HLCS: variants seen among roughly 807,000 people sequenced by gnomAD.
HLCS encodes the protein holocarboxylase synthetase.
Under a neutral mutation model 75.0 loss-of-function variants are expected in HLCS, and 53 were observed. The observed-to-expected ratio is 0.71, with a 90% confidence interval of 0.57 to 0.89. The LOEUF (loss-of-function observed/expected upper bound fraction) is 0.89, where lower values mean the gene tolerates loss of function less well. Among genes scored for constraint, HLCS ranks in the 40% least tolerant of loss-of-function variants. The probability of loss-of-function intolerance (pLI) is 0.00; values close to 1 mark genes in which losing one functional copy is unlikely to be tolerated. For synonymous variants in HLCS, 431 were observed against 428.6 expected, an observed-to-expected ratio of 1.01 and a Z score of -0.07; for missense variants, 966 against 1,074.0, an observed-to-expected ratio of 0.90 and a Z score of 1.41.
intron 6 of HLCS, among the ~76,000 whole-genome samples, chr21:36,773,669 C>G (rs906230191): frequency 1.3e-5 from 2 of 152,196 alleles, no homozygotes; most frequent in African/African-American, 2.4e-5. Context: ...GAGAGACACA[C>G]ACTCTCATGA....
intron 6 of HLCS, among the ~76,000 whole-genome samples, chr21:36,793,232 A>C (rs1226364442): frequency 1.3e-5 from 2 of 151,348 alleles, no homozygotes; most frequent in African/African-American, 4.9e-5. Flanking sequence ...CATGAGTTCT[A>C]AGATCATCCA....
chr21:36,798,543 T>C (rs975341685), intron 6 of HLCS, among the ~76,000 whole-genome samples: 4 of 152,250 alleles, frequency 2.6e-5, no homozygotes, highest in East Asian at 1.9e-4. Context: ...GACTGACTGA[T>C]TGATCTGCTC....
intron 6 of HLCS, among the ~76,000 whole-genome samples, chr21:36,847,541 G>C (rs1448571544): frequency 6.6e-6 from 1 of 151,772 alleles, no homozygotes; most frequent in Admixed American, 6.6e-5. Flanking sequence ...CTAAGGTACT[G>C]TCAATTAAAA....
chr21:36,930,809 T>C (rs1037965376), intron 4 of HLCS, among the ~76,000 whole-genome samples: 3 of 152,218 alleles, frequency 2.0e-5, no homozygotes, highest in African/African-American at 7.2e-5. Context: ...TGAAGCTGTA[T>C]ATCTGGAAAG....
At chr21:36,911,988 T>C (rs1415924090) in intron 5 of HLCS, among the ~76,000 whole-genome samples, 1 of 149,522 alleles carries the variant, frequency 6.7e-6, no homozygotes, top group Non-Finnish European at 1.5e-5. Flanking sequence ...GAAGAATCGC[T>C]TGAACCCAGG....
At chr21:36,843,116 G>C (rs185179820) in intron 6 of HLCS, among the ~76,000 whole-genome samples, 19 of 152,276 alleles carry the variant, frequency 1.2e-4, no homozygotes, top group African/African-American at 3.4e-4. Flanking sequence ...AACACATCTT[G>C]CCTCAGGCAA....
In HLCS at chr21:36,956,966, T is replaced by C. The variant is rs553250299; in HGVS notation, c.330+5070A>G. Among the ~76,000 whole-genome samples, 9 of 147,438 alleles carry C rather than the reference T, an allele frequency of 6.1e-5. No individual in the cohort carries two copies. The South Asian group carries it at 1.7e-3, about 28-fold the overall frequency. On this transcript the variant is annotated intron_variant, in intron 2 of 10. Coordinates refer to ENST00000674895, the MANE Select transcript of HLCS (RefSeq NM_001352514.2). ...TACTTGGGAGGCTGAGGCAGAAGAA[T>C]CGCTTGAACCCAGGAGGTAGATGTT...
chr21:36,989,069 C>T (rs1008713433), intron 1 of HLCS, among the ~76,000 whole-genome samples: 1 of 150,416 alleles, frequency 6.6e-6, no homozygotes, highest in Admixed American at 6.6e-5. Context: ...CAGGGTCTCA[C>T]TCCCTCACCC....
chr21:36,909,686 G>A (rs146778288), intron 5 of HLCS, among the ~76,000 whole-genome samples: 5,037 of 152,256 alleles, frequency 0.033, 288 homozygotes, highest in African/African-American at 0.12. Context: ...TTGAACTCCT[G>A]GGCTCAAGCA....
chr21:36,844,269 A>G (rs151058823), intron 6 of HLCS, among the ~76,000 whole-genome samples: 1,996 of 152,236 alleles, frequency 0.013, 28 homozygotes, highest in Non-Finnish European at 0.018. Flanking sequence ...CTTCAACAAC[A>G]ATTTATGAAT....
intron 4 of HLCS, among the ~76,000 whole-genome samples, chr21:36,933,236 T>C (rs2066726123): frequency 1.3e-5 from 2 of 152,064 alleles, no homozygotes; most frequent in Non-Finnish European, 2.9e-5. Context: ...AGGATGCCAA[T>C]CATGGGACAA....
intron 5 of HLCS, among the ~76,000 whole-genome samples, chr21:36,901,332 C>G (rs1310657698): frequency 6.6e-6 from 1 of 152,068 alleles, no homozygotes; most frequent in Admixed American, 6.5e-5. Flanking sequence ...GGGGAGAGGT[C>G]TGCACCATGG....
chr21:36,774,397 C>T (rs1370148644), intron 6 of HLCS, among the ~76,000 whole-genome samples: 1 of 152,174 alleles, frequency 6.6e-6, no homozygotes, highest in Non-Finnish European at 1.5e-5. Flanking sequence ...GAATCCATCT[C>T]TCTCAGTCTC....
chr21:36,875,810 T>G (rs2063949274), intron 6 of HLCS, among the ~76,000 whole-genome samples: 1 of 152,198 alleles, frequency 6.6e-6, no homozygotes, highest in Non-Finnish European at 1.5e-5. Context: ...AACGTCCCCC[T>G]GCTCGCCATG....
rs1380144081 is a variant in HLCS at position 36,753,960 on chromosome 21, C to G, written c.*286G>C. ...ATTGTCATTTCCATGTAAAAACTCC[C>G]CTTGACAATAAACGTAAGTCCAAGC... On this transcript the variant is annotated 3_prime_UTR_variant, in exon 11 of 11. Transcript: ENST00000674895. The surrounding 1 kb of genome is among the most constrained non-coding windows in gnomAD (Gnocchi z 4.3). The G allele has an allele frequency of 2.0e-6, 1 of 497,286 alleles. No individual in the cohort carries two copies. The highest frequency in any genetic ancestry group is 1.9e-5 in the African/African-American group (1 of 51,838). The allele number at this position is 497,286 out of a possible 1,614,324, so 30.8% of individuals were successfully genotyped here.
At chr21:36,881,826 G>C (rs143736561) in intron 6 of HLCS, among the ~76,000 whole-genome samples, 1 of 152,118 alleles carries the variant, frequency 6.6e-6, no homozygotes, top group African/African-American at 2.4e-5. Flanking sequence ...TGGACAGGGG[G>C]GCTCTGCACC....
At chr21:36,943,366 A>C (rs1276469718) in intron 2 of HLCS, 2 of 153,380 alleles carry the variant, frequency 1.3e-5, no homozygotes, top group Non-Finnish European at 2.9e-5. Context: ...TTGTTCAATA[A>C]GAACGTATAC....
chr21:36,794,402 T>C (rs1172619643), intron 6 of HLCS, among the ~76,000 whole-genome samples: 3 of 152,210 alleles, frequency 2.0e-5, no homozygotes, highest in African/African-American at 7.2e-5. Context: ...AAGAAGATAG[T>C]GAGAGCATAC....
chr21:36,827,334 C>T (rs2062038215), intron 6 of HLCS, among the ~76,000 whole-genome samples: 1 of 151,974 alleles, frequency 6.6e-6, no homozygotes. Flanking sequence ...TTTGGGATGC[C>T]AAGGCGAGCG....
Sources: allele counts gnomAD v4.1 joint callset (sites outside exome capture counted in the v4.1 genomes callset), GRCh38; gene constraint gnomAD v4.1.1; non-coding constraint Gnocchi (gnomAD v3.1); transcripts MANE v1.5; gene names NCBI Gene and HGNC (gene_info 2026-07-23, HGNC 2026-07-21).